PLXNA4: variants seen among roughly 807,000 people sequenced by gnomAD.
PLXNA4 encodes the protein plexin-A4.
Under a neutral mutation model 191.8 loss-of-function variants are expected in PLXNA4, and 44 were observed. That is an observed-to-expected ratio of 0.23 (90% CI 0.18 to 0.29). The LOEUF is 0.29. Ranked by LOEUF, PLXNA4 falls within the 10% of genes least tolerant of loss-of-function variation. The probability of loss-of-function intolerance (pLI) is 1.00; values close to 1 mark genes in which losing one functional copy is unlikely to be tolerated. For missense variants in PLXNA4, 1,800 were observed against 2,488.8 expected (o/e 0.72, Z 5.89); for synonymous variants, 1,082 against 1,009.5 (o/e 1.07, Z -1.36).
chr7:132,155,041 T>C (rs1038387252), intron 25 of PLXNA4, among the ~76,000 whole-genome samples: 1 of 152,226 alleles, frequency 6.6e-6, no homozygotes, highest in African/African-American at 2.4e-5. Context: ...AGATAGTGTA[T>C]CTTTTTATTG....
At chr7:132,484,940 T>C in intron 3 of PLXNA4, 1 of 1,614,164 alleles carries the variant, frequency 6.2e-7, no homozygotes, top group Non-Finnish European at 8.5e-7. Context: ...AGAAGCAATG[T>C]TCGCCCCAGG....
rs1342306169 is a variant in PLXNA4 at position 132,189,010 on chromosome 7, GAGAGAGAGAGAGAGAGAGAA to G, written c.2857-1423_2857-1404del. Among the ~76,000 whole-genome samples, 324 of 68,898 alleles carry G rather than the reference GAGAGAGAGAGAGAGAGAGAA, an allele frequency of 4.7e-3. 7 individuals are homozygous for G. The highest frequency in any genetic ancestry group is 0.027 in the East Asian group (57 of 2,104). 45.2% of individuals were successfully genotyped at this position (68,898 alleles called of 152,430 possible). On this transcript the variant is annotated intron_variant, in intron 14 of 31. Transcript: ENST00000321063. Reference sequence around the variant, plus strand: ...AAAGGAAAGGAGAGAGAGAGAGAGAGAGAGAGAGAGAGAGAGAGAAAGAGAGAGAGAGAGAGAGAGAGAGA... The same window carrying G: ...AAAGGAAAGGAGAGAGAGAGAGAGAGAGAGAGAGAGAGAGAGAGAGAGAGA...
At position 132,229,135 on chromosome 7, in the gene PLXNA4, T is replaced by C. The variant is rs139615612; in HGVS notation, c.1605-666A>G. On this transcript the variant is annotated intron_variant, in intron 5 of 31. Transcript: ENST00000321063. The stretch of plus-strand genomic sequence containing the variant: ...AAAAGCAGCTATGTTCCATTTATTT[T>C]AGAATCCCCTCATGTAGGCAGGTGG... Among the ~76,000 whole-genome samples the C allele has an allele frequency of 2.2e-3, 331 of 152,328 alleles. 1 individual carries two copies. Among genetic ancestry groups the C allele is most frequent in the African/African-American group, 7.5e-3 (310 of 41,568 alleles).
intron 3 of PLXNA4, among the ~76,000 whole-genome samples, chr7:132,371,466 C>T (rs143614180): frequency 4.6e-5 from 7 of 152,304 alleles, no homozygotes; most frequent in African/African-American, 1.7e-4. Context: ...CCAATGATGT[C>T]AGTACCGCTT....
In PLXNA4 at chr7:132,639,079, A is replaced by G. The variant is rs189861612; in HGVS notation, c.-87+6849T>C. 5.8e-4 allele frequency among the ~76,000 whole-genome samples: 89 copies of G among 152,242 alleles called. 1 individual carries two copies. Among genetic ancestry groups the G allele is most frequent in the African/African-American group, 2.0e-3 (82 of 41,550 alleles). ...AACTCTGCAGCATCTGGGTTATATC[A>G]AAGTTCACCATCCAAGGATGGACTG... On this transcript the variant is annotated intron_variant, in intron 2 of 4. Coordinates refer to the PLXNA4 transcript ENST00000378539.
intron 2 of PLXNA4, among the ~76,000 whole-genome samples, chr7:132,634,894 A>G (rs1563200211): frequency 6.6e-6 from 1 of 152,172 alleles, no homozygotes; most frequent in Non-Finnish European, 1.5e-5. Flanking sequence ...TCAGTGGGCC[A>G]GGAAAGGCAG....
chr7:132,124,383 A>AG lies in PLXNA4; in HGVS notation c.*6095dup, dbSNP rs1275409856. 25 of 152,178 alleles carry AG rather than the reference A, an allele frequency of 1.6e-4. No homozygotes were observed. Among genetic ancestry groups the AG allele is most frequent in the Admixed American group, 1.6e-3 (25 of 15,282 alleles). The allele number at this position is 152,178 out of a possible 1,614,324, so 9.4% of individuals were successfully genotyped here. ...ATTGCGGCTGACTTCTGTGCACGAAAGTGTTCCTTAGTCCTGTTTGGTGAA... is the reference window on the plus strand; with the variant it reads ...ATTGCGGCTGACTTCTGTGCACGAAAGGTGTTCCTTAGTCCTGTTTGGTGAA... On this transcript the variant is annotated 3_prime_UTR_variant, in exon 32 of 32. Coordinates refer to ENST00000321063, the MANE Select transcript of PLXNA4 (RefSeq NM_020911.2).
At chr7:132,279,333 G>A (rs1800392760) in intron 4 of PLXNA4, among the ~76,000 whole-genome samples, 1 of 152,036 alleles carries the variant, frequency 6.6e-6, no homozygotes, top group African/African-American at 2.4e-5. Flanking sequence ...GGAAAGCATT[G>A]ATCTGCTCTA....
chr7:132,338,120 C>G (rs1802888514), intron 3 of PLXNA4, among the ~76,000 whole-genome samples: 1 of 152,204 alleles, frequency 6.6e-6, no homozygotes, highest in Admixed American at 6.5e-5. Flanking sequence ...CTCATATTCT[C>G]AGATGCATAC....
intron 1 of PLXNA4, among the ~76,000 whole-genome samples, chr7:132,518,035 C>T (rs1030554652): frequency 6.6e-6 from 1 of 152,064 alleles, no homozygotes; most frequent in Non-Finnish European, 1.5e-5. Flanking sequence ...GAAGTGGGAG[C>T]CATGAATTAT....
At chr7:132,215,810 G>A (rs1256227929) in intron 9 of PLXNA4, among the ~76,000 whole-genome samples, 1 of 152,238 alleles carries the variant, frequency 6.6e-6, no homozygotes, top group Non-Finnish European at 1.5e-5. Flanking sequence ...TGTCCAGAGA[G>A]GACAAGGAAG....
chr7:132,533,434 G>T (rs1339326293), intron 1 of PLXNA4, among the ~76,000 whole-genome samples: 1 of 152,140 alleles, frequency 6.6e-6, no homozygotes, highest in Non-Finnish European at 1.5e-5. Context: ...TGTTCAAAGG[G>T]TTCCCTGGAA....
At chr7:132,564,677 G>A (rs1048801887) in intron 1 of PLXNA4, among the ~76,000 whole-genome samples, 5 of 152,268 alleles carry the variant, frequency 3.3e-5, no homozygotes, top group African/African-American at 9.6e-5. Flanking sequence ...TTGACTGATT[G>A]CTTGATCAAT....
chr7:132,560,496 C>A (rs1800992284), intron 1 of PLXNA4, among the ~76,000 whole-genome samples: 1 of 152,166 alleles, frequency 6.6e-6, no homozygotes, highest in Non-Finnish European at 1.5e-5. Flanking sequence ...TGTCAAGTTT[C>A]TGCCAGATCC....
chr7:132,644,645 T>C (rs1169642544), intron 2 of PLXNA4, among the ~76,000 whole-genome samples: 2 of 152,138 alleles, frequency 1.3e-5, no homozygotes, highest in Non-Finnish European at 1.5e-5. Context: ...TCCAGGGAAA[T>C]AGATGGTCCC....
chr7:132,162,152 G>C (rs1194024727), intron 24 of PLXNA4, among the ~76,000 whole-genome samples: 1 of 152,252 alleles, frequency 6.6e-6, no homozygotes, highest in East Asian at 1.9e-4. Flanking sequence ...GGACTCGTCT[G>C]CACGCCCTGT....
intron 1 of PLXNA4, among the ~76,000 whole-genome samples, chr7:132,557,458 G>A (rs1347177426): frequency 1.3e-5 from 2 of 151,964 alleles, no homozygotes; most frequent in Admixed American, 1.3e-4. Flanking sequence ...GGCGGCAGGG[G>A]GGGACGTAAA....
chr7:132,640,783 A>G (rs1019815162), intron 2 of PLXNA4, among the ~76,000 whole-genome samples: 7 of 104,976 alleles, frequency 6.7e-5, no homozygotes, highest in African/African-American at 2.4e-4. Context: ...CTGAAAAAAA[A>G]AAAAGGGGGG....
chr7:132,373,988 C>T (rs1333884402), intron 3 of PLXNA4, among the ~76,000 whole-genome samples: 3 of 152,174 alleles, frequency 2.0e-5, no homozygotes, highest in Non-Finnish European at 4.4e-5. Flanking sequence ...GCTCCCCACA[C>T]TCCAGTCCAG....
Sources: allele counts gnomAD v4.1 joint callset (sites outside exome capture counted in the v4.1 genomes callset), GRCh38; gene constraint gnomAD v4.1.1; transcripts MANE v1.5; gene names NCBI Gene and HGNC (gene_info 2026-07-23, HGNC 2026-07-21).